The following PTPRD variants were observed in gnomAD, a reference collection of about 807,000 sequenced individuals.
The protein encoded by PTPRD is receptor-type tyrosine-protein phosphatase delta.
A neutral mutation model predicts 214.5 loss-of-function variants in PTPRD; 34 were observed. The observed-to-expected ratio is 0.16, with a 90% CI of 0.12 to 0.21. PTPRD has a LOEUF of 0.21. Ranked by LOEUF, PTPRD falls within the 10% of genes least tolerant of loss-of-function variation. PTPRD has a pLI of 1.00. For missense variants in PTPRD, 2,545 were observed against 2,398.7 expected (o/e 1.06, Z -1.27); for synonymous variants, 1,128 against 845.7 (o/e 1.33, Z -5.79).
intron 8 of PTPRD, among the ~76,000 whole-genome samples, chr9:9,572,428 T>C (rs1201921665): frequency 2.0e-5 from 3 of 151,186 alleles, no homozygotes; most frequent in African/African-American, 7.3e-5. Context: ...AAACCATACA[T>C]AAAAGGACAA....
chr9:9,290,785 T>C (rs893244364), intron 9 of PTPRD, among the ~76,000 whole-genome samples: 1 of 151,522 alleles, frequency 6.6e-6, no homozygotes, highest in African/African-American at 2.4e-5. Flanking sequence ...ATTTGCTAAT[T>C]ATTTTTCCAG....
chr9:8,725,464 G>C (rs1251434647), intron 12 of PTPRD, among the ~76,000 whole-genome samples: 1 of 152,048 alleles, frequency 6.6e-6, no homozygotes, highest in Non-Finnish European at 1.5e-5. Flanking sequence ...ATCAGTCAAT[G>C]TCCCTTGAAA....
chr9:8,440,087 A>C (rs1050262176), intron 34 of PTPRD, among the ~76,000 whole-genome samples: 2 of 150,350 alleles, frequency 1.3e-5, no homozygotes, highest in Non-Finnish European at 3.0e-5. Context: ...GGGGCCTATA[A>C]CTCCATTTAT....
intron 7 of PTPRD, among the ~76,000 whole-genome samples, chr9:9,704,320 T>A (rs1433151341): frequency 6.6e-6 from 1 of 152,188 alleles, no homozygotes; most frequent in Non-Finnish European, 1.5e-5. Flanking sequence ...TGTAGCCCTT[T>A]ACGTCTGTTT....
chr9:9,666,866 C>T lies in PTPRD; in HGVS notation c.-287+67667G>A, dbSNP rs370632920. Among the ~76,000 whole-genome samples, 5 of 151,914 alleles carry T rather than the reference C, an allele frequency of 3.3e-5. No homozygotes were observed. In the East Asian group the frequency reaches 5.8e-4, roughly 18 times the overall value. On this transcript the variant is annotated intron_variant, in intron 7 of 45. Transcript: ENST00000381196. ...ACATTTTTCTTCTACTCCTTTTTTC[C>T]CTTAATGCTTTACCTCGCTTTTTAT...
chr9:8,809,012 G>A (rs182272507), intron 11 of PTPRD, among the ~76,000 whole-genome samples: 184 of 152,210 alleles, frequency 1.2e-3, no homozygotes, highest in African/African-American at 4.1e-3. Flanking sequence ...CAAAAGAACG[G>A]AAGGAAAGTC....
chr9:10,562,903 C>T (rs1322311), intron 2 of PTPRD, among the ~76,000 whole-genome samples: 7 of 151,278 alleles, frequency 4.6e-5, no homozygotes, highest in Admixed American at 4.6e-4. Context: ...AAGCAAAAGC[C>T]ATATATAGAT....
chr9:8,619,324 C>T (rs2095732869), intron 14 of PTPRD, among the ~76,000 whole-genome samples: 1 of 151,792 alleles, frequency 6.6e-6, no homozygotes, highest in Non-Finnish European at 1.5e-5. Context: ...ATGTTCTATC[C>T]TTTGACCACC....
At chr9:9,483,947 G>A (rs1380153939) in intron 8 of PTPRD, among the ~76,000 whole-genome samples, 1 of 151,530 alleles carries the variant, frequency 6.6e-6, no homozygotes, top group Non-Finnish European at 1.5e-5. Flanking sequence ...TTTTCTAGAA[G>A]TCCCTACCTA....
chr9:9,087,070 C>T (rs1244254330), intron 10 of PTPRD, among the ~76,000 whole-genome samples: 1 of 152,174 alleles, frequency 6.6e-6, no homozygotes, highest in African/African-American at 2.4e-5. Flanking sequence ...AAAGCAAATA[C>T]ACACACAGAA....
At chr9:8,422,432 GTTTGT>G (rs2094431562) in intron 35 of PTPRD, among the ~76,000 whole-genome samples, 1 of 152,002 alleles carries the variant, frequency 6.6e-6, no homozygotes, top group African/African-American at 2.4e-5. Context: ...ATTTTTATGT[GTTTGT>G]TTTTATCTAG....
rs564685938 is a variant in PTPRD, at chr9:8,326,580, T to A, written c.5534+5002A>T. 5.3e-5 allele frequency among the ~76,000 whole-genome samples: 8 copies of A among 151,856 alleles called. No individual in the cohort carries two copies. The East Asian group carries it at 1.5e-3, about 29-fold the overall frequency. On this transcript the variant is annotated intron_variant, in intron 44 of 45. Coordinates refer to ENST00000381196, the MANE Select transcript of PTPRD (RefSeq NM_002839.4). ...TTTTGGTATCAGGATGATGCTGGCCTCATAAAATGAGTTAGGAAGGAGTCC... is the reference window on the plus strand; with the variant it reads ...TTTTGGTATCAGGATGATGCTGGCCACATAAAATGAGTTAGGAAGGAGTCC...
intron 2 of PTPRD, among the ~76,000 whole-genome samples, chr9:10,473,332 A>G (rs551274428): frequency 6.6e-6 from 1 of 152,238 alleles, no homozygotes; most frequent in South Asian, 2.1e-4. Flanking sequence ...CTTCCCCTCA[A>G]AATCTGTGTA....
At chr9:9,164,700 G>T (rs114680490) in intron 10 of PTPRD, among the ~76,000 whole-genome samples, 1 of 151,970 alleles carries the variant, frequency 6.6e-6, no homozygotes, top group East Asian at 1.9e-4. Context: ...CAAAGTCCTA[G>T]ACTGATTTCT....
intron 2 of PTPRD, among the ~76,000 whole-genome samples, chr9:10,595,046 G>A (rs1051692181): frequency 1.3e-5 from 2 of 151,814 alleles, no homozygotes; most frequent in Non-Finnish European, 2.9e-5. Context: ...GCGATAATTA[G>A]ACCATATGTT....
Position 8,343,590 on chromosome 9 carries a change from C to G in PTPRD, c.4662-1612G>C, listed in dbSNP as rs151164176. On this transcript the variant is annotated intron_variant, in intron 39 of 45. Transcript: ENST00000381196. ...CGAGTTTTCCCTGACATTCCCCATT[C>G]CTACCCTCCCAGGTGGTTTTAATCA... Among the ~76,000 whole-genome samples the G allele has an allele frequency of 3.5e-3, 534 of 152,138 alleles. 4 individuals carry two copies. The highest frequency in any genetic ancestry group is 0.012 in the African/African-American group (498 of 41,530).
At chr9:8,433,089 G>A (rs564950481) in intron 35 of PTPRD, among the ~76,000 whole-genome samples, 1 of 152,172 alleles carries the variant, frequency 6.6e-6, no homozygotes, top group African/African-American at 2.4e-5. Flanking sequence ...TGGTTTTATA[G>A]CCATGTGCTG....
chr9:8,485,580 T>G (rs2096983672), intron 28 of PTPRD, 182 bp downstream of exon 28: 2 of 663,018 alleles, frequency 3.0e-6, no homozygotes, highest in East Asian at 5.5e-5. Flanking sequence ...CAGACTTGCT[T>G]GACATTCTAT....
intron 8 of PTPRD, among the ~76,000 whole-genome samples, chr9:9,562,091 C>G (rs138936452): frequency 4.6e-4 from 70 of 152,254 alleles, no homozygotes; most frequent in African/African-American, 1.6e-3. Context: ...CAAAATTGAT[C>G]TGATTTTCTG....
Sources: allele counts gnomAD v4.1 joint callset (sites outside exome capture counted in the v4.1 genomes callset), GRCh38; gene constraint gnomAD v4.1.1; transcripts MANE v1.5; gene names NCBI Gene and HGNC (gene_info 2026-07-23, HGNC 2026-07-21).